Variants in LINC00305 observed in about 807,000 individuals in gnomAD.
LINC00305 encodes long intergenic non-protein coding RNA 305.
At chr18:64,110,007 A>C (rs1056385307) in intron 1 of LINC00305, among the ~76,000 whole-genome samples, 3 of 152,062 alleles carry the variant, frequency 2.0e-5, no homozygotes, top group Non-Finnish European at 4.4e-5. Context: ...AGCTATCATT[A>C]GTGTGTTTTA....
At chr18:64,095,638 C>CCAA (rs1462990739) in intron 3 of LINC00305, among the ~76,000 whole-genome samples, 2 of 152,082 alleles carry the variant, frequency 1.3e-5, no homozygotes, top group Non-Finnish European at 2.9e-5. Flanking sequence ...AAGAACAGAA[C>CCAA]CAACACTGCA....
intron 3 of LINC00305, among the ~76,000 whole-genome samples, chr18:64,081,933 G>A (rs73962130): frequency 0.052 from 7,942 of 152,224 alleles, 673 homozygotes; most frequent in African/African-American, 0.18. Flanking sequence ...CAGCATGGCT[G>A]TGATGAAGGT....
intron 1 of LINC00305, among the ~76,000 whole-genome samples, chr18:64,113,338 G>GA (rs1407422694): frequency 1.3e-5 from 2 of 152,194 alleles, no homozygotes; most frequent in African/African-American, 4.8e-5. Flanking sequence ...GTAAAAAGCA[G>GA]AAAAAGAGAT....
intron 1 of LINC00305, among the ~76,000 whole-genome samples, chr18:64,138,941 C>A (rs1175831460): frequency 6.6e-6 from 1 of 152,152 alleles, no homozygotes; most frequent in Non-Finnish European, 1.5e-5. Flanking sequence ...CGGGGCACAG[C>A]CGATAACCAG....
intron 1 of LINC00305, among the ~76,000 whole-genome samples, chr18:64,123,402 C>T (rs949613309): frequency 1.3e-5 from 2 of 151,948 alleles, no homozygotes; most frequent in African/African-American, 4.8e-5. Context: ...ATATTTAAGA[C>T]TCATAAATTT....
chr18:64,142,236 G>A (rs1041835108), intron 1 of LINC00305, among the ~76,000 whole-genome samples: 3 of 152,178 alleles, frequency 2.0e-5, no homozygotes, highest in Non-Finnish European at 4.4e-5. Context: ...TGGAGACTAG[G>A]TTATAAAATG....
chr18:64,117,879 G>A (rs148996379), intron 1 of LINC00305, among the ~76,000 whole-genome samples: 3 of 152,250 alleles, frequency 2.0e-5, no homozygotes, highest in East Asian at 3.9e-4. Context: ...AACGATCCAC[G>A]ATGTCAGGTG....
chr18:64,090,663 T>G (rs992749480), intron 3 of LINC00305, among the ~76,000 whole-genome samples: 3 of 152,254 alleles, frequency 2.0e-5, no homozygotes. Context: ...TACTGAAATA[T>G]GAAGCTTCTT....
intron 1 of LINC00305, among the ~76,000 whole-genome samples, chr18:64,129,659 C>G (rs2051400587): frequency 6.6e-6 from 1 of 151,958 alleles, no homozygotes; most frequent in Admixed American, 6.6e-5. Context: ...TTAAAGTTGA[C>G]CTGGTTAGAT....
At chr18:64,099,229 A>G (rs1353474185) in intron 1 of LINC00305, among the ~76,000 whole-genome samples, 1 of 152,168 alleles carries the variant, frequency 6.6e-6, no homozygotes, top group Admixed American at 6.5e-5. Context: ...TGTGTATTCT[A>G]TGGTCCCTAA....
At chr18:64,141,861 C>T (rs567982821) in intron 1 of LINC00305, among the ~76,000 whole-genome samples, 2 of 152,302 alleles carry the variant, frequency 1.3e-5, no homozygotes, top group East Asian at 3.9e-4. Context: ...AGAATATTCT[C>T]ACTTCATGAT....
intron 1 of LINC00305, among the ~76,000 whole-genome samples, chr18:64,100,379 C>T (rs2051263547): frequency 6.6e-6 from 1 of 152,166 alleles, no homozygotes; most frequent in South Asian, 2.1e-4. Context: ...AAGAACGTCA[C>T]AGGAGGGCTT....
intron 3 of LINC00305, among the ~76,000 whole-genome samples, chr18:64,093,989 A>G (rs1490008152): frequency 1.3e-5 from 2 of 152,170 alleles, no homozygotes; most frequent in Non-Finnish European, 2.9e-5. Context: ...AAAAAAAGGG[A>G]AATAGTTTTC....
intron 1 of LINC00305, among the ~76,000 whole-genome samples, chr18:64,107,026 C>A (rs1480970342): frequency 6.6e-6 from 1 of 152,152 alleles, no homozygotes; most frequent in Admixed American, 6.6e-5. Flanking sequence ...CAATTCCGGG[C>A]CTGGCCCATA....
At chr18:64,126,422 G>A (rs1012887896) in intron 1 of LINC00305, among the ~76,000 whole-genome samples, 2 of 151,758 alleles carry the variant, frequency 1.3e-5, no homozygotes, top group African/African-American at 2.4e-5. Flanking sequence ...ATACGCTAAG[G>A]GACTACTATT....
chr18:64,114,508 T>G (rs1429216640), intron 1 of LINC00305, among the ~76,000 whole-genome samples: 1 of 152,176 alleles, frequency 6.6e-6, no homozygotes, highest in Non-Finnish European at 1.5e-5. Flanking sequence ...GATATCTCCT[T>G]TGGTACTTAT....
At chr18:64,138,397 T>C (rs2051445109) in intron 1 of LINC00305, among the ~76,000 whole-genome samples, 1 of 152,236 alleles carries the variant, frequency 6.6e-6, no homozygotes, top group African/African-American at 2.4e-5. Context: ...TGATAAATCC[T>C]GAGTTCAGGT....
At chr18:64,098,100 T>C in intron 2 of LINC00305, 1 of 426,432 alleles carries the variant, frequency 2.3e-6, no homozygotes, top group Non-Finnish European at 4.8e-6. Flanking sequence ...GAGGCAAAGT[T>C]CTCTGACCAA....
chr18:64,093,944 A>C (rs2144897154), intron 3 of LINC00305, among the ~76,000 whole-genome samples: 1 of 152,336 alleles, frequency 6.6e-6, no homozygotes, highest in South Asian at 2.1e-4. Context: ...AAGTGCACAC[A>C]AAATATGAGA....
Sources: allele counts gnomAD v4.1 joint callset (sites outside exome capture counted in the v4.1 genomes callset), GRCh38; gene constraint gnomAD v4.1.1; transcripts MANE v1.5; gene names NCBI Gene and HGNC (gene_info 2026-07-23, HGNC 2026-07-21).